The following DPP6 variants were observed in gnomAD, a reference collection of about 807,000 sequenced individuals.
DPP6 encodes the protein A-type potassium channel modulatory protein DPP6.
A neutral mutation model predicts 122.6 loss-of-function variants in DPP6; 69 were observed. The ratio of observed to expected loss-of-function variants is 0.56; its 90% CI spans 0.46 to 0.69. The LOEUF is 0.69. Among genes scored for constraint, DPP6 ranks in the 30% least tolerant of loss-of-function variants. DPP6 has a pLI of 0.00. For synonymous variants in DPP6, 418 were observed against 433.1 expected (o/e 0.97, Z 0.43); for missense variants, 928 against 1,116.9 (o/e 0.83, Z 2.41).
intron 1 of DPP6, among the ~76,000 whole-genome samples, chr7:154,366,459 C>T (rs1036224267): frequency 2.6e-5 from 4 of 152,188 alleles, no homozygotes; most frequent in African/African-American, 7.2e-5. Flanking sequence ...ACTTCAGAAT[C>T]GGCACAGTGG....
chr7:154,793,908 C>A, intron 10 of DPP6, 171 bp from the exon 11 acceptor site: 2 of 1,075,996 alleles, frequency 1.9e-6, no homozygotes, highest in Non-Finnish European at 2.6e-6. Flanking sequence ...GAGTCCCGCG[C>A]CAGTGCAGAT....
the DPP6 span, among the ~76,000 whole-genome samples, chr7:153,864,272 A>G: frequency 6.6e-6 from 1 of 152,114 alleles, no homozygotes; most frequent in Non-Finnish European, 1.5e-5. Flanking sequence ...TATTATAGCA[A>G]TTTTAGTGGT....
At chr7:154,003,182 A>G (rs958745696) in intron 1 of DPP6, among the ~76,000 whole-genome samples, 10 of 152,224 alleles carry the variant, frequency 6.6e-5, no homozygotes, top group African/African-American at 2.4e-4. Context: ...TGCTTTGCTC[A>G]GTTCTACTTG....
intron 1 of DPP6, among the ~76,000 whole-genome samples, chr7:154,059,960 A>C (rs1801435595): frequency 6.6e-6 from 1 of 151,994 alleles, no homozygotes; most frequent in African/African-American, 2.4e-5. Context: ...CCATTTTGTG[A>C]TGGCTGAGAT....
At chr7:154,521,395 C>T (rs1427476009) in intron 3 of DPP6, among the ~76,000 whole-genome samples, 2 of 150,114 alleles carry the variant, frequency 1.3e-5, no homozygotes, top group Admixed American at 1.3e-4. Flanking sequence ...AACCATGTAG[C>T]AGGTGGTTGA....
the DPP6 span, among the ~76,000 whole-genome samples, chr7:153,767,985 C>T: frequency 5.3e-5 from 8 of 151,888 alleles, no homozygotes; most frequent in Non-Finnish European, 1.5e-5. Flanking sequence ...AAAAGTATTT[C>T]AATATCTGAA....
At chr7:153,845,159 T>C in the DPP6 span, among the ~76,000 whole-genome samples, 9 of 152,172 alleles carry the variant, frequency 5.9e-5, no homozygotes, top group Admixed American at 5.9e-4. Flanking sequence ...TATTAAAATG[T>C]ACTATATTGG....
chr7:154,467,431 A>T (rs148405263), intron 2 of DPP6, among the ~76,000 whole-genome samples: 1 of 152,232 alleles, frequency 6.6e-6, no homozygotes, highest in African/African-American at 2.4e-5. Context: ...AGTTCTCACA[A>T]GATCTGGTTG....
intron 1 of DPP6, among the ~76,000 whole-genome samples, chr7:154,348,930 A>G (rs1374031579): frequency 6.6e-6 from 1 of 152,198 alleles, no homozygotes; most frequent in African/African-American, 2.4e-5. Context: ...TAAAGGGACT[A>G]TGACAAGGTT....
chr7:154,374,633 C>G (rs978817946), intron 1 of DPP6, among the ~76,000 whole-genome samples: 1 of 39,032 alleles, frequency 2.6e-5, no homozygotes, highest in South Asian at 1.2e-3. Flanking sequence ...TTTTTTGAGA[C>G]GCAGTTTTCC....
chr7:154,359,623 T>A (rs2151095322), intron 1 of DPP6, among the ~76,000 whole-genome samples: 1 of 152,304 alleles, frequency 6.6e-6, no homozygotes, highest in African/African-American at 2.4e-5. Context: ...TGTTCATTTG[T>A]TTCCACCAAG....
intron 1 of DPP6, among the ~76,000 whole-genome samples, chr7:154,297,139 T>TTA (rs751665747): frequency 7.9e-5 from 12 of 151,994 alleles, no homozygotes; most frequent in Non-Finnish European, 1.8e-4. Flanking sequence ...ATTTTTTTTT[T>TTA]ATTGAATTGT....
intron 5 of DPP6, among the ~76,000 whole-genome samples, chr7:154,617,216 G>C (rs1834318061): frequency 6.6e-6 from 1 of 152,182 alleles, no homozygotes; most frequent in African/African-American, 2.4e-5. Flanking sequence ...CAGCTTTGAG[G>C]ACAGAAGGGC....
chr7:153,885,845 G>A (rs1013659888), upstream of DPP6, among the ~76,000 whole-genome samples: 1 of 152,010 alleles, frequency 6.6e-6, no homozygotes, highest in African/African-American at 2.4e-5. Flanking sequence ...CCAATTGCTC[G>A]TGCACATGTC....
At chr7:154,497,328 C>T (rs901947414) in intron 3 of DPP6, among the ~76,000 whole-genome samples, 2 of 152,174 alleles carry the variant, frequency 1.3e-5, no homozygotes, top group African/African-American at 4.8e-5. Context: ...CTAGGACAGG[C>T]TGGGCATGGT....
intron 1 of DPP6, among the ~76,000 whole-genome samples, chr7:154,362,593 T>G (rs1167173131): frequency 1.3e-5 from 2 of 151,502 alleles, no homozygotes; most frequent in African/African-American, 4.9e-5. Flanking sequence ...TTTTTTTTTT[T>G]TTTGCATTTT....
At chr7:154,731,539 A>ACACTGGCTGTGAACTCAG (rs1038245090) in intron 8 of DPP6, among the ~76,000 whole-genome samples, 12 of 152,212 alleles carry the variant, frequency 7.9e-5, no homozygotes, top group Admixed American at 2.6e-4. Flanking sequence ...TGTGAGCTCA[A>ACACTGGCTGTGAACTCAG]CACTGGCTGT....
At position 154,562,739 on chromosome 7, in the gene DPP6, T is replaced by C. The variant is rs576940992; in HGVS notation, c.553-4103T>C. 8.5e-5 allele frequency among the ~76,000 whole-genome samples: 13 copies of C among 152,282 alleles called. No homozygotes were observed. The South Asian group carries it at 2.5e-3, about 29-fold the overall frequency. On this transcript the variant is annotated intron_variant, in intron 4 of 25. Coordinates refer to ENST00000377770, the MANE Select transcript of DPP6 (RefSeq NM_130797.4). ...CAGAACAAATAATTACATGTATCAA[T>C]GCTACAGAAAATAAGGTCAGGATAC...
intron 16 of DPP6, among the ~76,000 whole-genome samples, chr7:154,846,964 G>A (rs995884791): frequency 2.6e-5 from 4 of 152,078 alleles, no homozygotes; most frequent in Non-Finnish European, 5.9e-5. Flanking sequence ...GAGTAACTGC[G>A]TTTTATTCAT....
Sources: allele counts gnomAD v4.1 joint callset (sites outside exome capture counted in the v4.1 genomes callset), GRCh38; gene constraint gnomAD v4.1.1; transcripts MANE v1.5; gene names NCBI Gene and HGNC (gene_info 2026-07-23, HGNC 2026-07-21).